RGS6: variants seen among roughly 807,000 people sequenced by gnomAD.
RGS6 encodes the protein regulator of G-protein signaling 6.
In RGS6, 30 loss-of-function variants were observed where a neutral mutation model predicts 78.5. The ratio of observed to expected loss-of-function variants is 0.38; its 90% CI spans 0.29 to 0.52. The LOEUF is 0.52. Ranked by LOEUF, RGS6 falls within the 20% of genes least tolerant of loss-of-function variation. RGS6 has a pLI of 0.85. For synonymous variants in RGS6, 206 were observed against 206.0 expected (o/e 1.00, Z 0.00); for missense variants, 495 against 609.7 (o/e 0.81, Z 1.98).
chr14:72,456,139 G>A (rs2095623759), intron 4 of RGS6, among the ~76,000 whole-genome samples: 1 of 152,154 alleles, frequency 6.6e-6, no homozygotes, highest in African/African-American at 2.4e-5. Flanking sequence ...GCCTGTTTGG[G>A]CTTCTGAGAA....
At chr14:72,283,874 A>T (rs1034957057) in intron 2 of RGS6, among the ~76,000 whole-genome samples, 7 of 152,216 alleles carry the variant, frequency 4.6e-5, no homozygotes, top group Admixed American at 1.3e-4. Context: ...GACTTGTTGA[A>T]TGGCTTTGAC....
At chr14:72,311,083 G>A (rs1238451481) in intron 2 of RGS6, among the ~76,000 whole-genome samples, 1 of 152,220 alleles carries the variant, frequency 6.6e-6, no homozygotes, top group South Asian at 2.1e-4. Flanking sequence ...GAAGAATGTA[G>A]AGAGAAGCGA....
intron 3 of RGS6, among the ~76,000 whole-genome samples, chr14:72,394,501 C>T (rs918930559): frequency 1.3e-5 from 2 of 152,126 alleles, no homozygotes; most frequent in African/African-American, 2.4e-5. Flanking sequence ...TTTTAGAGAC[C>T]TCCCACTAAG....
intron 2 of RGS6, among the ~76,000 whole-genome samples, chr14:72,020,146 A>G (rs1430329946): frequency 2.0e-5 from 3 of 152,224 alleles, no homozygotes; most frequent in Non-Finnish European, 4.4e-5. Flanking sequence ...TAATCCCAGT[A>G]TATCTGGAGT....
intron 3 of RGS6, among the ~76,000 whole-genome samples, chr14:72,377,875 G>A (rs186138588): frequency 5.9e-5 from 9 of 152,260 alleles, no homozygotes; most frequent in Admixed American, 1.3e-4. Context: ...CTACTCAGGC[G>A]GCTGAGGTGG....
In RGS6 at chr14:72,548,684, C is replaced by T. The variant is rs78337957; in HGVS notation, c.1422+8590C>T. Reference sequence around the variant, plus strand: ...GAGAAAGTGACCCTGGAAGCCACGTCGGAAGAGGCTGGAGTAAAAATGTCT... The same window carrying T: ...GAGAAAGTGACCCTGGAAGCCACGTTGGAAGAGGCTGGAGTAAAAATGTCT... On this transcript the variant is annotated intron_variant, in intron 17 of 17. Coordinates refer to ENST00000553525, the MANE Select transcript of RGS6 (RefSeq NM_001204424.2). Among the ~76,000 whole-genome samples, 9 of 152,262 alleles carry T rather than the reference C, an allele frequency of 5.9e-5. No individual in the cohort carries two copies. The South Asian group carries it at 1.7e-3, about 28-fold the overall frequency.
downstream of RGS6, among the ~76,000 whole-genome samples, chr14:72,569,627 C>CT (rs151129594): frequency 0.052 from 7,516 of 144,344 alleles, 226 homozygotes; most frequent in East Asian, 0.14. Context: ...TTACAGTGAG[C>CT]TGAGATCACA....
chr14:72,237,308 C>T (rs1225024725), intron 2 of RGS6, among the ~76,000 whole-genome samples: 1 of 152,126 alleles, frequency 6.6e-6, no homozygotes, highest in African/African-American at 2.4e-5. Flanking sequence ...AATTGCTGTG[C>T]ATGTTCTTAT....
At chr14:72,128,573 T>C (rs1458240242) in intron 2 of RGS6, among the ~76,000 whole-genome samples, 1 of 152,064 alleles carries the variant, frequency 6.6e-6, no homozygotes, top group East Asian at 1.9e-4. Flanking sequence ...CCAAGACGAA[T>C]TGTTAGATGT....
chr14:72,248,099 T>G (rs1034219615), intron 2 of RGS6, among the ~76,000 whole-genome samples: 1 of 152,236 alleles, frequency 6.6e-6, no homozygotes, highest in African/African-American at 2.4e-5. Context: ...TCTCAAAATA[T>G]GATCCAGGGA....
chr14:72,619,892 A>T, the RGS6 span: 1 of 1,528,020 alleles, frequency 6.5e-7, no homozygotes, highest in Non-Finnish European at 8.7e-7. Context: ...TGTTGACTTC[A>T]TCATCATTAC....
intron 3 of RGS6, among the ~76,000 whole-genome samples, chr14:72,414,317 G>A (rs973373840): frequency 4.6e-5 from 7 of 151,842 alleles, no homozygotes; most frequent in South Asian, 2.1e-4. Context: ...CATTCATTTC[G>A]TCTTTCATTG....
chr14:72,016,070 T>A (rs2086895608), intron 2 of RGS6, among the ~76,000 whole-genome samples: 1 of 152,244 alleles, frequency 6.6e-6, no homozygotes, highest in Non-Finnish European at 1.5e-5. Flanking sequence ...ATCATATTTA[T>A]CCATTTCTCC....
rs2097323628 is a variant in RGS6 at position 72,541,288 on chromosome 14, A to C, written c.1422+1194A>C. The C allele has an allele frequency of 4.3e-6, 4 of 920,300 alleles. No individual in the cohort carries two copies. The South Asian group carries it at 1.5e-4, about 34-fold the overall frequency. The allele number at this position is 920,300 out of a possible 1,614,324, so 57.0% of individuals were successfully genotyped here. ...AAAAAGTCTAAGGCTCCTGGGTTGA[A>C]AGCAGCCTAGTCATTTACGTGTCGT... On this transcript the variant is annotated intron_variant, in intron 17 of 17. Coordinates refer to ENST00000553525, the MANE Select transcript of RGS6 (RefSeq NM_001204424.2).
chr14:72,172,867 T>A (rs1234466090), intron 2 of RGS6, among the ~76,000 whole-genome samples: 1 of 152,120 alleles, frequency 6.6e-6, no homozygotes, highest in African/African-American at 2.4e-5. Flanking sequence ...TGATGACAAA[T>A]AATGTTGGCT....
At chr14:72,104,060 G>A (rs771724024) in intron 2 of RGS6, among the ~76,000 whole-genome samples, 5 of 152,054 alleles carry the variant, frequency 3.3e-5, no homozygotes, top group Non-Finnish European at 5.9e-5. Context: ...CTTATTGAAC[G>A]TCCTTTAATC....
intron 2 of RGS6, among the ~76,000 whole-genome samples, chr14:72,043,443 TCA>T (rs1201635259): frequency 6.6e-6 from 1 of 151,882 alleles, no homozygotes; most frequent in Non-Finnish European, 1.5e-5. Context: ...ATGAATTCCC[TCA>T]GTTTTTGTTT....
At chr14:72,130,773 T>C (rs2096296754) in intron 2 of RGS6, among the ~76,000 whole-genome samples, 1 of 152,216 alleles carries the variant, frequency 6.6e-6, no homozygotes, top group Admixed American at 6.5e-5. Flanking sequence ...TTACCCTACA[T>C]GTTTATCCCA....
In RGS6 at chr14:72,095,435, G is replaced by T. The variant is rs536572869; in HGVS notation, c.84+130560G>T. Among the ~76,000 whole-genome samples, 7 of 152,280 alleles carry T rather than the reference G, an allele frequency of 4.6e-5. No homozygotes were observed. The South Asian group carries it at 1.4e-3, about 32-fold the overall frequency. On this transcript the variant is annotated intron_variant, in intron 2 of 17. Coordinates refer to ENST00000553525, the MANE Select transcript of RGS6 (RefSeq NM_001204424.2). ...TTGCAAAATGACTGGTCTGACTGCA[G>T]ATTTTCTAGGAGGGAAGTGCAAAGT...
Sources: gnomAD v4.1 joint callset for allele counts (sites outside exome capture counted in the v4.1 genomes callset) on GRCh38, gnomAD v4.1.1 for gene constraint, MANE v1.5 for transcripts, NCBI Gene and HGNC (gene_info 2026-07-23, HGNC 2026-07-21) for gene names.